PTPN21: variants seen among roughly 807,000 people sequenced by gnomAD.
PTPN21 encodes the protein protein tyrosine phosphatase non-receptor type 21.
PTPN21 carries 77 observed loss-of-function variants against 131.8 expected under a neutral mutation model. The ratio of observed to expected loss-of-function variants is 0.58; its 90% CI spans 0.49 to 0.71. The LOEUF (loss-of-function observed/expected upper bound fraction) is 0.71. Ranked by LOEUF, PTPN21 falls within the 30% of genes least tolerant of loss-of-function variation. The pLI, the probability that PTPN21 is intolerant of heterozygous loss-of-function variation, is 0.00. For synonymous variants in PTPN21, 715 were observed against 621.3 expected (o/e 1.15, Z -2.24); for missense variants, 1,552 against 1,527.1 (o/e 1.02, Z -0.27).
chr14:88,468,388 C>T lies in PTPN21; in HGVS notation c.3397-123G>A, dbSNP rs964721596. On this transcript the variant is annotated intron_variant, in intron 18 of 18. Coordinates refer to ENST00000556564, the MANE Select transcript of PTPN21 (RefSeq NM_007039.4). ...ATGGACAGTCTCTTTTCCACCTTAGCGTCTTCTAGAAATAAGCCATGATTG... is the reference window on the plus strand; with the variant it reads ...ATGGACAGTCTCTTTTCCACCTTAGTGTCTTCTAGAAATAAGCCATGATTG... The T allele has an allele frequency of 2.6e-5, 25 of 952,702 alleles. 1 individual carries two copies. Among genetic ancestry groups the T allele is most frequent in the East Asian group, 1.3e-4 (5 of 38,102 alleles). 59.0% of individuals were successfully genotyped at this position (952,702 alleles called of 1,614,324 possible).
Position 88,479,338 on chromosome 14 carries a change from T to C in PTPN21, c.2093A>G (p.Lys698Arg). 6.2e-7 allele frequency: 1 copy of C among 1,613,368 alleles called. No homozygotes were observed. Among genetic ancestry groups the C allele is most frequent in the South Asian group, 1.1e-5 (1 of 91,082 alleles). Residue 698 changes from lysine to arginine, a missense_variant, in exon 13 of 19, where the codon AAG (lysine) becomes AGG (arginine). Transcript: ENST00000556564. ...CATGGTGGCGTCCGACAGGGACTTC[T>C]TATGGCCGTACCTCAAGCCCTCCGC... is the stretch of plus-strand genomic sequence containing the variant. ...EEAEGLRYGH[K>R]KSLSDATMLI... is the part of the protein sequence containing the mutation.
rs2078119778 is a variant in PTPN21 at position 88,507,993 on chromosome 14, T to A, written c.378A>T (p.Lys126Asn). The A allele has an allele frequency of 1.2e-6, 2 of 1,604,702 alleles. No individual in the cohort carries two copies. Among genetic ancestry groups the A allele is most frequent in the Admixed American group, 1.7e-5 (1 of 59,716 alleles). ...TRYQYYLQLK[K>N]DILEGSIPCT... ...AAGGAATACTTCCTTCCAAGATATCTTTCTTCAGTTGCAGATAATACTGAT... is the reference window on the plus strand; with the variant it reads ...AAGGAATACTTCCTTCCAAGATATCATTCTTCAGTTGCAGATAATACTGAT... Residue 126 changes from lysine (K) to asparagine (N), a missense_variant, in exon 4 of 19, where the codon AAA becomes AAT. Lys to Asn is a moderately conservative substitution (Grantham distance 94, BLOSUM62 0). This residue lies in a region of PTPN21 where 206 missense variants were observed against 221.6 expected (regional missense o/e 0.93). Coordinates refer to ENST00000556564, the MANE Select transcript of PTPN21 (RefSeq NM_007039.4).
chr14:88,486,470 G>A (rs1178585735), intron 10 of PTPN21, among the ~76,000 whole-genome samples: 1 of 152,076 alleles, frequency 6.6e-6, no homozygotes, highest in Non-Finnish European at 1.5e-5. Context: ...CTTGGGCCCA[G>A]GAGTTCAAGA....
At chr14:88,513,722 C>G (rs1002151415) in intron 3 of PTPN21, 2 of 152,176 alleles carry the variant, frequency 1.3e-5, no homozygotes, top group African/African-American at 4.8e-5. Flanking sequence ...ACATCAGCTA[C>G]CCAGTCTATA....
rs559283647 is a variant in PTPN21 at position 88,531,457 on chromosome 14, T to A, written c.181-14196A>T. 2.6e-5 allele frequency among the ~76,000 whole-genome samples: 4 copies of A among 152,172 alleles called. No individual in the cohort carries two copies. The South Asian group carries it at 8.3e-4, about 32-fold the overall frequency. On this transcript the variant is annotated intron_variant, in intron 2 of 18. Coordinates refer to ENST00000556564, the MANE Select transcript of PTPN21 (RefSeq NM_007039.4). ...CTGTAGTCCCAGCTACTCGGGAGGT[T>A]GAGGCAGGAGAATTGCTTGAACCAG...
chr14:88,518,450 A>T (rs2078336636), intron 2 of PTPN21, among the ~76,000 whole-genome samples: 5 of 28,480 alleles, frequency 1.8e-4, no homozygotes, highest in East Asian at 1.7e-3. Context: ...TTTTTTTTTG[A>T]GATAGATTCT....
chr14:88,543,105 T>C (rs1166220348), intron 2 of PTPN21, among the ~76,000 whole-genome samples: 1 of 152,190 alleles, frequency 6.6e-6, no homozygotes, highest in Non-Finnish European at 1.5e-5. Context: ...CAGTGGATAT[T>C]TGGAATACCT....
Position 88,495,951 on chromosome 14 carries a change from A to G in PTPN21, c.932+462T>C, listed in dbSNP as rs117280079. ...AAACCTGCTATTCAGGAAAGCAGAG[A>G]TATGGTGCAGAGGCTGGAGGGGAGT... On this transcript the variant is annotated intron_variant, in intron 10 of 18. Transcript: ENST00000556564. Among the ~76,000 whole-genome samples, 320 of 152,292 alleles carry G rather than the reference A, an allele frequency of 2.1e-3. 9 individuals carry two copies. In the East Asian group the frequency reaches 0.047, roughly 22 times the overall value.
intron 13 of PTPN21, among the ~76,000 whole-genome samples, chr14:88,475,805 C>T (rs1339892781): frequency 6.6e-6 from 1 of 152,182 alleles, no homozygotes; most frequent in Non-Finnish European, 1.5e-5. Context: ...CACTTCTCTG[C>T]CTGAAAATGA....
chr14:88,532,932 A>G (rs185570599), intron 2 of PTPN21, among the ~76,000 whole-genome samples: 27 of 152,338 alleles, frequency 1.8e-4, no homozygotes, highest in African/African-American at 6.3e-4. Context: ...CAGAGGTAGT[A>G]TCCTTTATTT....
rs1566803287 is a variant in PTPN21, at chr14:88,468,272, TGAGA to T, written c.3397-11_3397-8del. ...CTCTCGGGATGTCCAGCACCTAGGT[TGAGA>T]GAAACGGTAATGAAGATAATGTGTT... On this transcript the variant is annotated splice_region_variant and splice_polypyrimidine_tract_variant and intron_variant, in intron 18 of 18. Transcript: ENST00000556564. 6 of 1,590,166 alleles carry T rather than the reference TGAGA, an allele frequency of 3.8e-6. No individual in the cohort carries two copies. The highest frequency in any genetic ancestry group is 4.5e-5 in the East Asian group (2 of 44,630).
chr14:88,547,741 A>C (rs180722766), intron 2 of PTPN21: 54 of 446,512 alleles, frequency 1.2e-4, no homozygotes, highest in African/African-American at 9.0e-4. Context: ...GTTTCATCTC[A>C]GTTTCCTTCC....
intron 13 of PTPN21, among the ~76,000 whole-genome samples, chr14:88,474,378 T>TG (rs760930687): frequency 4.6e-5 from 7 of 152,070 alleles, no homozygotes; most frequent in Non-Finnish European, 1.0e-4. Flanking sequence ...TTTGTAGAGA[T>TG]GGGGTCTCAC....
intron 12 of PTPN21, among the ~76,000 whole-genome samples, chr14:88,482,772 C>T (rs73314173): frequency 0.037 from 5,563 of 151,678 alleles, 342 homozygotes; most frequent in African/African-American, 0.13. Flanking sequence ...AGGAGAGTTT[C>T]CAGAAGGTAC....
Position 88,496,459 on chromosome 14 carries a change from G to A in PTPN21, c.886C>T (p.Leu296Phe). The stretch of plus-strand genomic sequence containing the variant: ...TAAAACTTGTGTCGCGCAACACAGA[G>A]TCTCCAAATGTATTTTGCTGTTTCC... ...DMETAKYIWR[L>F]CVARHKFYRL... is the part of the protein sequence containing the mutation. Residue 296 changes from leucine to phenylalanine, a missense_variant, in exon 10 of 19, where the codon CTC becomes TTC. By Grantham distance (22) the Leu-to-Phe change is conservative (BLOSUM62 0). Coordinates refer to ENST00000556564, the MANE Select transcript of PTPN21 (RefSeq NM_007039.4). 2 of 1,613,928 alleles carry A rather than the reference G, an allele frequency of 1.2e-6. No individual in the cohort carries two copies. Among genetic ancestry groups the A allele is most frequent in the South Asian group, 2.2e-5 (2 of 91,062 alleles).
chr14:88,547,455 C>T (rs2078799561), intron 2 of PTPN21: 1 of 254,802 alleles, frequency 3.9e-6, no homozygotes, highest in African/African-American at 2.3e-5. Flanking sequence ...CCAGACCAGC[C>T]TGGGCGACAT....
chr14:88,542,576 A>G (rs1329827794), intron 2 of PTPN21, among the ~76,000 whole-genome samples: 1 of 152,248 alleles, frequency 6.6e-6, no homozygotes, highest in African/African-American at 2.4e-5. Flanking sequence ...GTCTAGGTTG[A>G]ATAATACTCT....
chr14:88,479,963 C>T lies in PTPN21; in HGVS notation c.1468G>A (p.Val490Ile), dbSNP rs1429895221. 2 of 1,608,668 alleles carry T rather than the reference C, an allele frequency of 1.2e-6. No homozygotes were observed. The highest frequency in any genetic ancestry group is 1.1e-5 in the South Asian group (1 of 91,080). Residue 490 changes from valine (V) to isoleucine (I), a missense_variant, in exon 13 of 19, where the codon GTC becomes ATC. By Grantham distance (29) the Val-to-Ile change is conservative (BLOSUM62 3). Coordinates refer to ENST00000556564, the MANE Select transcript of PTPN21 (RefSeq NM_007039.4). ...TCGCGGATCTCGGGCTGGCTGTAGA[C>T]CAGCGCCGCGGGCCTGCTGTAGGCG... is the stretch of plus-strand genomic sequence containing the variant. ...SYAYSRPAAL[V>I]YSQPEIREHA... is the part of the protein sequence containing the mutation.
At chr14:88,511,999 G>A (rs2078192109) in intron 3 of PTPN21, among the ~76,000 whole-genome samples, 1 of 152,136 alleles carries the variant, frequency 6.6e-6, no homozygotes, top group African/African-American at 2.4e-5. Context: ...AGTAATAGAA[G>A]GCAATGTGTA....
Sources: gnomAD v4.1 joint callset for allele counts (sites outside exome capture counted in the v4.1 genomes callset) on GRCh38, gnomAD v4.1.1 for gene constraint, gnomAD v4.1.1 regional missense constraint, MANE v1.5 for transcripts, NCBI Gene and HGNC (gene_info 2026-07-23, HGNC 2026-07-21) for gene names.